The following SPRR2G variants were observed in gnomAD, a reference collection of about 807,000 sequenced individuals.
SPRR2G encodes small proline rich protein 2G, also known as small proline-rich protein 2G.
SPRR2G carries 1 observed loss-of-function variant against 0.7 expected under a neutral mutation model. That is an observed-to-expected ratio of 1.49 (90% confidence interval 0.53 to 7.06). The LOEUF is 7.06. Among genes scored for constraint, SPRR2G ranks in the 30% most tolerant of loss-of-function variants. The pLI is 0.14. For synonymous variants in SPRR2G, 38 were observed against 33.9 expected, an observed-to-expected ratio of 1.12 and a Z score of -0.42; for missense variants, 96 against 88.5, an observed-to-expected ratio of 1.09 and a Z score of -0.34.
At chr1:153,163,338 C>CA in the SPRR2G span, among the ~76,000 whole-genome samples, 14 of 152,154 alleles carry the variant, frequency 9.2e-5, no homozygotes, top group Non-Finnish European at 1.6e-4. Context: ...CTACACATTC[C>CA]AAAAAGAAGG....
chr1:153,199,323 C>T, the SPRR2G span, among the ~76,000 whole-genome samples: 5 of 152,232 alleles, frequency 3.3e-5, no homozygotes, highest in South Asian at 2.1e-4. Context: ...AATGCCTAGG[C>T]GCTACAGGAG....
chr1:153,195,005 T>G, the SPRR2G span, among the ~76,000 whole-genome samples: 1 of 152,166 alleles, frequency 6.6e-6, no homozygotes, highest in Admixed American at 6.5e-5. Context: ...TCTCCTGTTT[T>G]TTGCAGTGTA....
chr1:153,161,506 T>C, the SPRR2G span, among the ~76,000 whole-genome samples: 1 of 152,034 alleles, frequency 6.6e-6, no homozygotes, highest in African/African-American at 2.4e-5. Flanking sequence ...GCAAATATTT[T>C]CTCTCATTCT....
At chr1:153,157,988 A>C in the SPRR2G span, among the ~76,000 whole-genome samples, 9 of 152,084 alleles carry the variant, frequency 5.9e-5, no homozygotes, top group Admixed American at 5.9e-4. Flanking sequence ...CCATGATTCA[A>C]TTACCTCCCA....
At chr1:153,182,298 C>T in the SPRR2G span, among the ~76,000 whole-genome samples, 9 of 151,504 alleles carry the variant, frequency 5.9e-5, no homozygotes, top group African/African-American at 1.9e-4. Context: ...TTCCTGCATA[C>T]CCAAAATATA....
At chr1:153,168,604 T>C in the SPRR2G span, among the ~76,000 whole-genome samples, 3 of 152,310 alleles carry the variant, frequency 2.0e-5, no homozygotes, top group East Asian at 5.8e-4. Context: ...TCCGAAATTC[T>C]TAAATTTCAA....
chr1:153,192,463 T>G, the SPRR2G span, among the ~76,000 whole-genome samples: 1 of 152,072 alleles, frequency 6.6e-6, no homozygotes, highest in African/African-American at 2.4e-5. Flanking sequence ...GATAAAAAAT[T>G]TCAAGAACAA....
chr1:153,187,757 G>A, the SPRR2G span, among the ~76,000 whole-genome samples: 19 of 152,238 alleles, frequency 1.2e-4, no homozygotes, highest in Admixed American at 9.8e-4. Context: ...GAGAGGAGTT[G>A]TGATCATTTG....
At chr1:153,169,091 TG>T in the SPRR2G span, among the ~76,000 whole-genome samples, 1 of 152,146 alleles carries the variant, frequency 6.6e-6, no homozygotes, top group Non-Finnish European at 1.5e-5. Flanking sequence ...AATGAGAGGT[TG>T]GAAGTGCCTT....
the SPRR2G span, among the ~76,000 whole-genome samples, chr1:153,161,895 G>A: frequency 6.6e-6 from 1 of 152,106 alleles, no homozygotes; most frequent in African/African-American, 2.4e-5. Flanking sequence ...TTTCTAAATT[G>A]ACAATGTCTA....
chr1:153,170,944 T>G, the SPRR2G span, among the ~76,000 whole-genome samples: 1 of 152,190 alleles, frequency 6.6e-6, no homozygotes, highest in Non-Finnish European at 1.5e-5. Context: ...CATGGGCAAC[T>G]GACACAGAAA....
In SPRR2G at chr1:153,149,605, CT is replaced by C. The variant is rs1225829064; in HGVS notation, c.*283del. 8.0e-6 allele frequency: 4 copies of C among 498,858 alleles called. No individual in the cohort carries two copies. The highest frequency in any genetic ancestry group is 3.9e-5 in the African/African-American group (2 of 51,726). The allele number at this position is 498,858 out of a possible 1,614,324, so 30.9% of individuals were successfully genotyped here. A position where few individuals can be genotyped will look rare whatever the true frequency, so the allele number is the denominator to read the frequency against. On this transcript the variant is annotated 3_prime_UTR_variant, in exon 2 of 2. Transcript: ENST00000368748. ...TGTGGGCTTGACCATGAAACATGTG[CT>C]TTATTGGGGAGAAGCAAAAGAATAA...
upstream of SPRR2G, among the ~76,000 whole-genome samples, chr1:153,151,512 A>G (rs548956028): frequency 1.2e-3 from 179 of 152,238 alleles, no homozygotes; most frequent in Non-Finnish European, 2.1e-3. Flanking sequence ...TTTCTAGGCC[A>G]TTAGAGTCAT....
chr1:153,188,140 G>A, the SPRR2G span, among the ~76,000 whole-genome samples: 3 of 152,110 alleles, frequency 2.0e-5, no homozygotes, highest in East Asian at 1.9e-4. Flanking sequence ...GGTATCTGTC[G>A]ACCACTCCTG....
the SPRR2G span, among the ~76,000 whole-genome samples, chr1:153,197,866 T>C: frequency 5.3e-5 from 8 of 152,196 alleles, no homozygotes; most frequent in South Asian, 8.3e-4. Flanking sequence ...CATTGAAATA[T>C]TATTCCATCT....
chr1:153,159,990 A>G, the SPRR2G span, among the ~76,000 whole-genome samples: 1 of 152,176 alleles, frequency 6.6e-6, no homozygotes, highest in African/African-American at 2.4e-5. Context: ...TAGGTATTAT[A>G]TTGCACAGCA....
chr1:153,158,266 C>T, the SPRR2G span, among the ~76,000 whole-genome samples: 2 of 152,204 alleles, frequency 1.3e-5, no homozygotes. Flanking sequence ...TTAGTTGCTT[C>T]CAAGATACAA....
the SPRR2G span, among the ~76,000 whole-genome samples, chr1:153,196,990 G>A: frequency 5.3e-5 from 8 of 152,096 alleles, no homozygotes; most frequent in Non-Finnish European, 8.8e-5. Context: ...AGAGGAGTCC[G>A]GTAGAGCTTC....
chr1:153,189,190 TG>T, the SPRR2G span, among the ~76,000 whole-genome samples: 1 of 152,210 alleles, frequency 6.6e-6, no homozygotes, highest in South Asian at 2.1e-4. Flanking sequence ...ATTTTTATAT[TG>T]TTTTCTTCTA....
Sources: allele counts gnomAD v4.1 joint callset (sites outside exome capture counted in the v4.1 genomes callset), GRCh38; gene constraint gnomAD v4.1.1; transcripts MANE v1.5; gene names NCBI Gene and HGNC (gene_info 2026-07-23, HGNC 2026-07-21).